CACNA1E: variants seen among roughly 807,000 people sequenced by gnomAD.
CACNA1E encodes the protein voltage-dependent R-type calcium channel subunit alpha-1E.
Under a neutral mutation model 259.2 loss-of-function variants are expected in CACNA1E, and 40 were observed. The ratio of observed to expected loss-of-function variants is 0.15; its 90% CI spans 0.12 to 0.20. The LOEUF (loss-of-function observed/expected upper bound fraction) is 0.20. Ranked by LOEUF, CACNA1E falls within the 10% of genes least tolerant of loss-of-function variation. CACNA1E has a pLI of 1.00. For missense variants in CACNA1E, 1,874 were observed against 3,040.1 expected, an observed-to-expected ratio of 0.62 and a Z score of 9.02; for synonymous variants, 1,104 against 1,138.5, an observed-to-expected ratio of 0.97 and a Z score of 0.61.
chr1:181,663,222 A>G (rs1647863897), intron 7 of CACNA1E, among the ~76,000 whole-genome samples: 1 of 152,190 alleles, frequency 6.6e-6, no homozygotes, highest in East Asian at 1.9e-4. Flanking sequence ...ATACCATGGT[A>G]AATGCTTTAT....
chr1:181,574,995 A>G (rs1266670719), intron 3 of CACNA1E, among the ~76,000 whole-genome samples: 1 of 150,802 alleles, frequency 6.6e-6, no homozygotes. Flanking sequence ...ATTGCACTCC[A>G]GCCTGGATGA....
Position 181,790,434 on chromosome 1 carries a change from T to C in CACNA1E, c.5787-11T>C, listed in dbSNP as rs746466381. The C allele has an allele frequency of 3.2e-6, 5 of 1,565,846 alleles. No homozygotes were observed. Among genetic ancestry groups the C allele is most frequent in the East Asian group, 2.2e-5 (1 of 44,660 alleles). ...TCCCTCATTACCTCTGGATTTGACA[T>C]TGCTTTTCAGGAGTGGCCGGAGTGG... On this transcript the variant is annotated splice_polypyrimidine_tract_variant and intron_variant, in intron 43 of 47. Transcript: ENST00000367573.
chr1:181,318,806 TGG>T (rs1313862485), intron 1 of CACNA1E, among the ~76,000 whole-genome samples: 1 of 152,120 alleles, frequency 6.6e-6, no homozygotes, highest in African/African-American at 2.4e-5. Context: ...GGTCCTTTCC[TGG>T]GACAGGACTG....
At chr1:181,674,359 C>T (rs941839594) in intron 7 of CACNA1E, among the ~76,000 whole-genome samples, 3 of 125,884 alleles carry the variant, frequency 2.4e-5, no homozygotes, top group African/African-American at 9.5e-5. Flanking sequence ...CGCCACTGTG[C>T]ACTCCAGTGT....
At chr1:181,556,134 T>C (rs1271591160) in intron 3 of CACNA1E, among the ~76,000 whole-genome samples, 1 of 152,136 alleles carries the variant, frequency 6.6e-6, no homozygotes, top group Non-Finnish European at 1.5e-5. Context: ...GATGCTGCAG[T>C]GTAAGGATGC....
At chr1:181,378,539 T>C (rs1655250627) in intron 1 of CACNA1E, among the ~76,000 whole-genome samples, 1 of 152,156 alleles carries the variant, frequency 6.6e-6, no homozygotes. Flanking sequence ...AGGAGAGACT[T>C]GTACACAGAG....
At chr1:181,498,045 C>G (rs1664923784) in intron 1 of CACNA1E, among the ~76,000 whole-genome samples, 1 of 152,164 alleles carries the variant, frequency 6.6e-6, no homozygotes, top group Non-Finnish European at 1.5e-5. Context: ...TGCCAGTTCC[C>G]CTTTCAATAT....
At chr1:181,475,407 A>T (rs897165472) in intron 2 of CACNA1E, among the ~76,000 whole-genome samples, 8 of 152,252 alleles carry the variant, frequency 5.3e-5, no homozygotes, top group African/African-American at 1.9e-4. Flanking sequence ...TAGGAGGTAC[A>T]GGTCAGTGTT....
rs1451932717 is a variant in CACNA1E, at chr1:181,758,246, T to C, written c.4494+135T>C. The C allele has an allele frequency of 1.1e-6, 1 of 877,056 alleles. No individual in the cohort carries two copies. The highest frequency in any genetic ancestry group is 1.7e-6 in the Non-Finnish European group (1 of 576,030). 54.3% of individuals were successfully genotyped at this position (877,056 alleles called of 1,614,324 possible). A position where few individuals can be genotyped will look rare whatever the true frequency, so the allele number is the denominator to read the frequency against. ...CCATCATTGAATCCTTTTGTGATCTTATTTTGTTCAATAACCCAACCTCTG... is the reference window on the plus strand; with the variant it reads ...CCATCATTGAATCCTTTTGTGATCTCATTTTGTTCAATAACCCAACCTCTG... On this transcript the variant is annotated intron_variant, in intron 31 of 47. Coordinates refer to ENST00000367573, the MANE Select transcript of CACNA1E (RefSeq NM_001205293.3). The surrounding 1 kb of genome is among the most constrained non-coding windows in gnomAD (Gnocchi z 4.2).
chr1:181,750,531 G>A (rs1301608678), intron 26 of CACNA1E, 44 bp downstream of exon 26: 1 of 1,591,346 alleles, frequency 6.3e-7, no homozygotes, highest in Non-Finnish European at 8.6e-7. Context: ...TACAAGGAAT[G>A]AGTTGGAGGA....
chr1:181,415,330 G>T (rs1658182959), intron 2 of CACNA1E, among the ~76,000 whole-genome samples: 1 of 152,176 alleles, frequency 6.6e-6, no homozygotes, highest in African/African-American at 2.4e-5. Flanking sequence ...TCAAGATCTA[G>T]TACCAGCCAC....
intron 6 of CACNA1E, among the ~76,000 whole-genome samples, chr1:181,636,982 G>T (rs1300654850): frequency 6.6e-6 from 1 of 152,136 alleles, no homozygotes; most frequent in African/African-American, 2.4e-5. Flanking sequence ...TCTTCAATAT[G>T]CACCCCCATC....
intron 7 of CACNA1E, among the ~76,000 whole-genome samples, chr1:181,680,655 C>T (rs1028769267): frequency 1.8e-4 from 28 of 152,318 alleles, no homozygotes; most frequent in South Asian, 4.1e-4. Flanking sequence ...CATCGGTCCA[C>T]GCAGCAGCAC....
intron 3 of CACNA1E, among the ~76,000 whole-genome samples, chr1:181,571,038 A>G (rs1237675345): frequency 6.6e-6 from 1 of 152,176 alleles, no homozygotes; most frequent in Non-Finnish European, 1.5e-5. Flanking sequence ...GCAGTTTAAG[A>G]CAGTTGAAAT....
At chr1:181,559,870 G>T (rs1170082778) in intron 3 of CACNA1E, among the ~76,000 whole-genome samples, 2 of 152,154 alleles carry the variant, frequency 1.3e-5, no homozygotes, top group African/African-American at 2.4e-5. Flanking sequence ...AGGAGAGGGG[G>T]TCATCACAGA....
At chr1:181,341,381 C>T (rs773988657) in intron 1 of CACNA1E, among the ~76,000 whole-genome samples, 9 of 152,166 alleles carry the variant, frequency 5.9e-5, no homozygotes, top group African/African-American at 1.2e-4. Context: ...AGGTTGACAC[C>T]CAGAGTGTCT....
chr1:181,491,820 A>G lies in CACNA1E; in HGVS notation c.266+7810A>G, dbSNP rs58507703. ...ATTCCAGCACCTAGCACATGCTGGCACATGGTGAGCATTCAGTAAACTTTT... is the reference window on the plus strand; with the variant it reads ...ATTCCAGCACCTAGCACATGCTGGCGCATGGTGAGCATTCAGTAAACTTTT... On this transcript the variant is annotated intron_variant, in intron 1 of 47. Transcript: ENST00000367573. 1.9e-3 allele frequency among the ~76,000 whole-genome samples: 283 copies of G among 152,382 alleles called. 2 individuals carry two copies. Among genetic ancestry groups the G allele is most frequent in the African/African-American group, 6.6e-3 (273 of 41,594 alleles).
chr1:181,671,624 A>G (rs1037029268), intron 7 of CACNA1E, among the ~76,000 whole-genome samples: 4 of 152,210 alleles, frequency 2.6e-5, no homozygotes, highest in African/African-American at 7.2e-5. Context: ...CTCACCTGAC[A>G]TAACGGCTCC....
At chr1:181,658,233 T>A (rs745743233) in intron 7 of CACNA1E, among the ~76,000 whole-genome samples, 2 of 152,234 alleles carry the variant, frequency 1.3e-5, no homozygotes, top group Non-Finnish European at 2.9e-5. Flanking sequence ...ACTACCATAC[T>A]GGACAGTGCC....
Sources: allele counts gnomAD v4.1 joint callset (sites outside exome capture counted in the v4.1 genomes callset), GRCh38; gene constraint gnomAD v4.1.1; non-coding constraint Gnocchi (gnomAD v3.1); transcripts MANE v1.5; gene names NCBI Gene and HGNC (gene_info 2026-07-23, HGNC 2026-07-21).